The following TAFA5 variants were observed in gnomAD, a reference collection of about 807,000 sequenced individuals.
TAFA5 encodes the protein chemokine-like protein TAFA-5.
In TAFA5, 6 loss-of-function variants were observed where a neutral mutation model predicts 15.3. The observed-to-expected ratio is 0.39, with a 90% CI of 0.21 to 0.77. TAFA5 has a LOEUF of 0.77. Ranked by LOEUF, TAFA5 falls within the 30% of genes least tolerant of loss-of-function variation. TAFA5 has a pLI of 0.41. For synonymous variants in TAFA5, 103 were observed against 80.7 expected, an observed-to-expected ratio of 1.28 and a Z score of -1.48; for missense variants, 161 against 193.1, an observed-to-expected ratio of 0.83 and a Z score of 0.98.
At chr22:48,544,993 C>A in intron 1 of TAFA5, 1 of 420,430 alleles carries the variant, frequency 2.4e-6, no homozygotes. Flanking sequence ...CTCTCCTTTG[C>A]TGCGTGGTGG....
intron 1 of TAFA5, among the ~76,000 whole-genome samples, chr22:48,634,109 T>TTCAC (rs575047019): frequency 5.4e-4 from 56 of 104,416 alleles, no homozygotes; most frequent in African/African-American, 1.6e-3. Flanking sequence ...TTCCTTGACG[T>TTCAC]TCACTCACTC....
At chr22:48,691,740 G>A (rs989327138) in intron 2 of TAFA5, among the ~76,000 whole-genome samples, 4 of 152,258 alleles carry the variant, frequency 2.6e-5, no homozygotes, top group Non-Finnish European at 5.9e-5. Flanking sequence ...AAGGCCAGGT[G>A]TCTGGCTCTC....
At chr22:48,661,638 G>C (rs1927444682) in intron 2 of TAFA5, among the ~76,000 whole-genome samples, 1 of 152,210 alleles carries the variant, frequency 6.6e-6, no homozygotes, top group African/African-American at 2.4e-5. Flanking sequence ...GCAGCGTATG[G>C]CAGTGGGTGC....
intron 3 of TAFA5, among the ~76,000 whole-genome samples, chr22:48,709,202 G>A (rs1929175977): frequency 2.0e-5 from 3 of 152,292 alleles, no homozygotes; most frequent in South Asian, 2.1e-4. Context: ...GCGCCACCCC[G>A]AGGCATGCGG....
chr22:48,634,752 TTCAC>T (rs1926385682), intron 1 of TAFA5, among the ~76,000 whole-genome samples: 1 of 114,730 alleles, frequency 8.7e-6, no homozygotes, highest in Admixed American at 9.4e-5. Flanking sequence ...CACTCATTCA[TTCAC>T]TCAGTCACTC....
At chr22:48,610,357 A>G (rs1026130637) in intron 1 of TAFA5, among the ~76,000 whole-genome samples, 3 of 152,272 alleles carry the variant, frequency 2.0e-5, no homozygotes, top group African/African-American at 7.2e-5. Flanking sequence ...TGTGCTAAGT[A>G]AGATTCACCT....
chr22:48,695,909 A>T (rs1358387467), intron 2 of TAFA5, among the ~76,000 whole-genome samples: 1 of 152,134 alleles, frequency 6.6e-6, no homozygotes, highest in Non-Finnish European at 1.5e-5. Context: ...GCTTTCAAGC[A>T]CCACAGGGCC....
intron 1 of TAFA5, among the ~76,000 whole-genome samples, chr22:48,579,473 G>A (rs912309944): frequency 2.0e-5 from 3 of 152,224 alleles, no homozygotes; most frequent in South Asian, 4.1e-4. Flanking sequence ...AGTGGGGGAC[G>A]AGGGCGGGAA....
At position 48,590,116 on chromosome 22, in the gene TAFA5, G is replaced by A. The variant is rs538472528; in HGVS notation, c.113-56481G>A. Among the ~76,000 whole-genome samples the A allele has an allele frequency of 1.6e-3, 239 of 152,232 alleles. 1 individual carries two copies. The highest frequency in any genetic ancestry group is 5.6e-3 in the African/African-American group (234 of 41,536). Reference sequence around the variant, plus strand: ...CCTTGTCTCAAGGAGGACCTGGAGGGGACAGATGCTCCGTCAGCATGAAGG... The same window carrying A: ...CCTTGTCTCAAGGAGGACCTGGAGGAGACAGATGCTCCGTCAGCATGAAGG... On this transcript the variant is annotated intron_variant, in intron 1 of 3. Transcript: ENST00000402357.
At chr22:48,561,040 T>A (rs979421869) in intron 1 of TAFA5, among the ~76,000 whole-genome samples, 1 of 152,174 alleles carries the variant, frequency 6.6e-6, no homozygotes, top group East Asian at 1.9e-4. Context: ...TGGGTCTGGC[T>A]GTGGCAGGCT....
chr22:48,640,375 C>T (rs2147197398), intron 1 of TAFA5, among the ~76,000 whole-genome samples: 1 of 152,330 alleles, frequency 6.6e-6, no homozygotes, highest in South Asian at 2.1e-4. Flanking sequence ...AATGGGCCCA[C>T]GGCCTGCGGA....
chr22:48,700,204 A>T (rs559469958), intron 2 of TAFA5, among the ~76,000 whole-genome samples: 39 of 152,286 alleles, frequency 2.6e-4, no homozygotes, highest in African/African-American at 9.1e-4. Flanking sequence ...GTTCCAGAAC[A>T]AGTAACTCGT....
chr22:48,728,765 A>T (rs887664885), intron 3 of TAFA5, among the ~76,000 whole-genome samples: 3 of 152,260 alleles, frequency 2.0e-5, no homozygotes, highest in Non-Finnish European at 4.4e-5. Flanking sequence ...AACAGCTGGT[A>T]AAGCTGAAAA....
At chr22:48,599,104 C>T (rs1391371955) in intron 1 of TAFA5, among the ~76,000 whole-genome samples, 1 of 152,218 alleles carries the variant, frequency 6.6e-6, no homozygotes, top group East Asian at 1.9e-4. Flanking sequence ...AAGCTTGCTA[C>T]CTTCCCCCCA....
rs558391089 is a variant in TAFA5 at position 48,497,382 on chromosome 22, C to T, written c.112+7678C>T. ...AGCCCCTTGCCCCTGTTTCTGCACT[C>T]GTAGAACAGCTCTAGAAAAGACGGC... On this transcript the variant is annotated intron_variant, in intron 1 of 3. Coordinates refer to ENST00000402357, the MANE Select transcript of TAFA5 (RefSeq NM_001082967.3). Among the ~76,000 whole-genome samples, 76 of 152,230 alleles carry T rather than the reference C, an allele frequency of 5.0e-4. 1 individual carries two copies. Among genetic ancestry groups the T allele is most frequent in the African/African-American group, 1.8e-3 (74 of 41,556 alleles).
intron 1 of TAFA5, among the ~76,000 whole-genome samples, chr22:48,501,248 C>T (rs889516492): frequency 4.6e-5 from 7 of 152,228 alleles, no homozygotes; most frequent in African/African-American, 7.2e-5. Flanking sequence ...GTGAGGCCTT[C>T]TCTCCCGGGC....
chr22:48,730,434 A>G (rs1229301378), intron 3 of TAFA5, among the ~76,000 whole-genome samples: 2 of 152,172 alleles, frequency 1.3e-5, no homozygotes, highest in Admixed American at 6.5e-5. Context: ...GGTGGAGCCA[A>G]CATGAGCAAC....
intron 1 of TAFA5, among the ~76,000 whole-genome samples, chr22:48,526,086 G>A (rs952812256): frequency 6.6e-6 from 1 of 152,202 alleles, no homozygotes; most frequent in African/African-American, 2.4e-5. Flanking sequence ...CACTGCCAGG[G>A]GAGCCAGTGG....
At chr22:48,576,660 C>A in intron 1 of TAFA5, 1 of 1,226,672 alleles carries the variant, frequency 8.2e-7, no homozygotes, top group Non-Finnish European at 1.0e-6. Flanking sequence ...CAGCACGTTC[C>A]GCTGCCGCCG....
Sources: allele counts gnomAD v4.1 joint callset (sites outside exome capture counted in the v4.1 genomes callset), GRCh38; gene constraint gnomAD v4.1.1; transcripts MANE v1.5; gene names NCBI Gene and HGNC (gene_info 2026-07-23, HGNC 2026-07-21).